The following SUMO2 variants were observed in gnomAD, a reference collection of about 807,000 sequenced individuals.
The protein encoded by SUMO2 is small ubiquitin-related modifier 2.
SUMO2 carries 1 observed loss-of-function variant against 16.0 expected under a neutral mutation model. The observed-to-expected ratio is 0.06, with a 90% CI of 0.02 to 0.30. The LOEUF (loss-of-function observed/expected upper bound fraction) is 0.30. Among genes scored for constraint, SUMO2 ranks in the 10% least tolerant of loss-of-function variants. The probability of loss-of-function intolerance (pLI) is 1.00; values close to 1 mark genes in which losing one functional copy is unlikely to be tolerated. For missense variants in SUMO2, 16 were observed against 117.5 expected, an observed-to-expected ratio of 0.14 and a Z score of 3.99; for synonymous variants, 36 against 40.6, an observed-to-expected ratio of 0.89 and a Z score of 0.43.
Position 75,168,120 on chromosome 17 carries a change from G to A in SUMO2, c.*219C>T. 2 of 395,332 alleles carry A rather than the reference G, an allele frequency of 5.1e-6. No homozygotes were observed. Among genetic ancestry groups the A allele is most frequent in the Non-Finnish European group, 4.4e-6 (1 of 225,436 alleles). The allele number at this position is 395,332 out of a possible 1,614,324, so 24.5% of individuals were successfully genotyped here. A position where few individuals can be genotyped will look rare whatever the true frequency, so the allele number is the denominator to read the frequency against. Reference sequence around the variant, plus strand: ...TTGATGTCAATCAAAACATACCATTGGCTGTTTAGTTAAAAAAAAAAAAAA... The same window carrying A: ...TTGATGTCAATCAAAACATACCATTAGCTGTTTAGTTAAAAAAAAAAAAAA... On this transcript the variant is annotated 3_prime_UTR_variant, in exon 4 of 4. Transcript: ENST00000420826.
At position 75,169,990 on chromosome 17, in the gene SUMO2, A is replaced by G. The variant is rs148533973; in HGVS notation, c.226-1589T>C. ...GCCAAAATGGTGAAACCCAGTCTCTACTAAAAATACAAAAAACAAAACAAA... is the reference window on the plus strand; with the variant it reads ...GCCAAAATGGTGAAACCCAGTCTCTGCTAAAAATACAAAAAACAAAACAAA... On this transcript the variant is annotated intron_variant, in intron 3 of 3. Transcript: ENST00000420826. Among the ~76,000 whole-genome samples, 148 of 151,838 alleles carry G rather than the reference A, an allele frequency of 9.7e-4. 2 individuals carry two copies. The highest frequency in any genetic ancestry group is 3.5e-3 in the African/African-American group (146 of 41,412).
rs2074696055 is a variant in SUMO2 at position 75,166,738 on chromosome 17, A to T, written c.*1601T>A. On this transcript the variant is annotated 3_prime_UTR_variant, in exon 4 of 4. Coordinates refer to ENST00000420826, the MANE Select transcript of SUMO2 (RefSeq NM_006937.4). Reference sequence around the variant, plus strand: ...GTGGAGGTTGCAGTGAGCCAAGATCACACCATTGCACCACTCCAGACTAGG... The same window carrying T: ...GTGGAGGTTGCAGTGAGCCAAGATCTCACCATTGCACCACTCCAGACTAGG... 1 of 152,068 alleles carries T rather than the reference A, an allele frequency of 6.6e-6. No homozygotes were observed. Among genetic ancestry groups the T allele is most frequent in the Non-Finnish European group, 1.5e-5 (1 of 68,148 alleles). 9.4% of individuals were successfully genotyped at this position (152,068 alleles called of 1,614,324 possible).
intron 2 of SUMO2, among the ~76,000 whole-genome samples, chr17:75,178,264 C>T (rs1446354282): frequency 6.6e-6 from 1 of 151,898 alleles, no homozygotes; most frequent in East Asian, 1.9e-4. Context: ...ACCTGTAATC[C>T]CAGCACTTTG....
At chr17:75,179,527 CAAAAA>C (rs35348154) in intron 2 of SUMO2, among the ~76,000 whole-genome samples, 2 of 97,226 alleles carry the variant, frequency 2.1e-5, no homozygotes, top group African/African-American at 3.5e-5. Context: ...GACTCTGTCT[CAAAAA>C]AAAAAAAAAA....
At chr17:75,169,484 C>G (rs999419143) in intron 3 of SUMO2, among the ~76,000 whole-genome samples, 1 of 151,186 alleles carries the variant, frequency 6.6e-6, no homozygotes, top group Admixed American at 6.6e-5. Context: ...CCTGGGTTCA[C>G]GCCATTCTCC....
intron 3 of SUMO2, among the ~76,000 whole-genome samples, chr17:75,171,702 G>A (rs554126848): frequency 1.7e-4 from 26 of 152,128 alleles, no homozygotes; most frequent in Non-Finnish European, 3.2e-4. Context: ...TCAAGGTCAC[G>A]GATCCAAACA....
intron 2 of SUMO2, among the ~76,000 whole-genome samples, chr17:75,179,713 G>A (rs1056538675): frequency 4.0e-5 from 6 of 150,272 alleles, no homozygotes; most frequent in East Asian, 2.0e-4. Context: ...AGGCTAGAGT[G>A]CAGTGGTGTG....
rs1381490799 is a variant in SUMO2 at position 75,166,519 on chromosome 17, T to G, written c.*1820A>C. 6.6e-6 allele frequency: 1 copy of G among 152,242 alleles called. No homozygotes were observed. Among genetic ancestry groups the G allele is most frequent in the Admixed American group, 6.6e-5 (1 of 15,256 alleles). The allele number at this position is 152,242 out of a possible 1,614,324, so 9.4% of individuals were successfully genotyped here. On this transcript the variant is annotated 3_prime_UTR_variant, in exon 4 of 4. Coordinates refer to ENST00000420826, the MANE Select transcript of SUMO2 (RefSeq NM_006937.4). ...AAAATTAAAAAGGGGCTGGGCATAGTGGCTCACGCCTGTAAACCCAGCACA... is the reference window on the plus strand; with the variant it reads ...AAAATTAAAAAGGGGCTGGGCATAGGGGCTCACGCCTGTAAACCCAGCACA...
chr17:75,180,442 G>A (rs1383495488), intron 2 of SUMO2, among the ~76,000 whole-genome samples: 2 of 146,024 alleles, frequency 1.4e-5, no homozygotes, highest in African/African-American at 5.0e-5. Context: ...GTTTGGCGCG[G>A]TGGCTCATGC....
Position 75,168,199 on chromosome 17 carries a change from G to A in SUMO2, c.*140C>T. 2 of 653,036 alleles carry A rather than the reference G, an allele frequency of 3.1e-6. No homozygotes were observed. Among genetic ancestry groups the A allele is most frequent in the African/African-American group, 1.9e-5 (1 of 53,122 alleles). The allele number at this position is 653,036 out of a possible 1,614,324, so 40.5% of individuals were successfully genotyped here. ...TACTTTATGTACAATAAAGGAATGG[G>A]GAAGGGGGAAATGAAAGAATAGAGA... On this transcript the variant is annotated 3_prime_UTR_variant, in exon 4 of 4. Transcript: ENST00000420826.
At chr17:75,172,453 G>A (rs1408965546) in intron 3 of SUMO2, among the ~76,000 whole-genome samples, 2 of 150,116 alleles carry the variant, frequency 1.3e-5, no homozygotes, top group Non-Finnish European at 3.0e-5. Flanking sequence ...CTGAGTAGCT[G>A]GGACTACAGG....
intron 2 of SUMO2, among the ~76,000 whole-genome samples, chr17:75,176,126 A>G (rs183519875): frequency 2.0e-5 from 3 of 151,016 alleles, no homozygotes; most frequent in Non-Finnish European, 4.4e-5. Flanking sequence ...CGCAACCTCC[A>G]CCACCGGAGT....
intron 2 of SUMO2, among the ~76,000 whole-genome samples, chr17:75,180,392 TAAAAAAAAAAAAAAA>T (rs58684188): frequency 4.2e-4 from 19 of 44,864 alleles, no homozygotes; most frequent in East Asian, 9.7e-4. Flanking sequence ...ACTCCCAGCT[TAAAAAAAAAAAAAAA>T]AAAAAAAAAA....
At chr17:75,179,126 T>A (rs1160557100) in intron 2 of SUMO2, among the ~76,000 whole-genome samples, 1 of 152,218 alleles carries the variant, frequency 6.6e-6, no homozygotes, top group Non-Finnish European at 1.5e-5. Flanking sequence ...TTCCCCTGTA[T>A]CCTGAAGGGG....
chr17:75,182,800 G>A lies in SUMO2; in HGVS notation c.21+14C>T, dbSNP rs781216652. On this transcript the variant is annotated intron_variant, in intron 1 of 3. Transcript: ENST00000420826. ...CACCGCGCGGCGAGGCGAAGGGGCC[G>A]GCGGCGAGCTCACCTTGGGCTTTTC... 2.2e-6 allele frequency: 3 copies of A among 1,379,142 alleles called. No homozygotes were observed. Among genetic ancestry groups the A allele is most frequent in the African/African-American group, 1.5e-5 (1 of 66,690 alleles). 85.4% of individuals were successfully genotyped at this position (1,379,142 alleles called of 1,614,324 possible). A position where few individuals can be genotyped will look rare whatever the true frequency, so the allele number is the denominator to read the frequency against.
At chr17:75,178,843 G>A (rs2074804812) in intron 2 of SUMO2, among the ~76,000 whole-genome samples, 2 of 150,926 alleles carry the variant, frequency 1.3e-5, no homozygotes, top group East Asian at 2.0e-4. Context: ...TAATCCCAGT[G>A]ACTTGGGAGG....
At chr17:75,173,476 CAT>C (rs1555654809) in intron 3 of SUMO2, among the ~76,000 whole-genome samples, 8 of 141,056 alleles carry the variant, frequency 5.7e-5, no homozygotes, top group Non-Finnish European at 3.1e-5. Context: ...GACTGGAAGT[CAT>C]TTTTTTTTTT....
intron 2 of SUMO2, among the ~76,000 whole-genome samples, 177 bp downstream of exon 2, chr17:75,180,880 T>A (rs1048699415): frequency 7.9e-5 from 12 of 152,058 alleles, no homozygotes. Context: ...AACCAAATCA[T>A]CCTAAGGGTT....
In SUMO2 at chr17:75,174,742, A is replaced by T. The variant is rs896236199; in HGVS notation, c.225+10T>A. The T allele has an allele frequency of 6.2e-6, 10 of 1,611,144 alleles. No individual in the cohort carries two copies. The Admixed American group carries it at 8.4e-5, about 14-fold the overall frequency. ...ATGGTAATTTTTCTAATTAGGAGAG[A>T]TTTTTTTACCTGTGCAGGTGTGTCT... On this transcript the variant is annotated intron_variant, in intron 3 of 3. Coordinates refer to ENST00000420826, the MANE Select transcript of SUMO2 (RefSeq NM_006937.4).
Sources: allele counts gnomAD v4.1 joint callset (sites outside exome capture counted in the v4.1 genomes callset), GRCh38; gene constraint gnomAD v4.1.1; transcripts MANE v1.5; gene names NCBI Gene and HGNC (gene_info 2026-07-23, HGNC 2026-07-21).